The following CRTC3 variants were observed in gnomAD, a reference collection of about 807,000 sequenced individuals.
CRTC3 encodes the protein CREB regulated transcription coactivator 3.
A neutral mutation model predicts 74.5 loss-of-function variants in CRTC3; 26 were observed. The ratio of observed to expected loss-of-function variants is 0.35; its 90% CI spans 0.26 to 0.48. The LOEUF (loss-of-function observed/expected upper bound fraction) is 0.48, where lower values mean the gene tolerates loss of function less well. CRTC3 is among the 20% of genes least tolerant of loss of function. The pLI, the probability that CRTC3 is intolerant of heterozygous loss-of-function variation, is 0.99. For missense variants in CRTC3, 760 were observed against 787.3 expected (o/e 0.97, Z 0.41); for synonymous variants, 377 against 325.8 (o/e 1.16, Z -1.69).
Position 90,643,729 on chromosome 15 carries a change from G to C in CRTC3, c.*1589G>C, listed in dbSNP as rs765507267. On this transcript the variant is annotated 3_prime_UTR_variant, in exon 15 of 15. Transcript: ENST00000268184. Reference sequence around the variant, plus strand: ...AAGGGGGCAGAGCACTGCAGGGGGAGGGGGGGGTCTAGGCTGTGAGAGGAC... The same window carrying C: ...AAGGGGGCAGAGCACTGCAGGGGGACGGGGGGGTCTAGGCTGTGAGAGGAC... 5 of 227,218 alleles carry C rather than the reference G, an allele frequency of 2.2e-5. No homozygotes were observed. The South Asian group carries it at 7.4e-4, about 34-fold the overall frequency. 14.1% of individuals were successfully genotyped at this position (227,218 alleles called of 1,614,324 possible). A position where few individuals can be genotyped will look rare whatever the true frequency, so the allele number is the denominator to read the frequency against.
At chr15:90,589,123 C>G (rs190400609) in intron 2 of CRTC3, among the ~76,000 whole-genome samples, 105 of 152,076 alleles carry the variant, frequency 6.9e-4, no homozygotes, top group African/African-American at 2.5e-3. Flanking sequence ...GTGGCGCGAT[C>G]TCAGCTCACT....
chr15:90,634,625 A>T (rs944560169), intron 11 of CRTC3: 3 of 487,824 alleles, frequency 6.1e-6, no homozygotes, highest in South Asian at 2.5e-5. Flanking sequence ...GGGCCTGGTG[A>T]TCCTCAGTGC....
At position 90,628,601 on chromosome 15, in the gene CRTC3, CCT is replaced by C. The variant is rs919184307; in HGVS notation, c.968-632_968-631del. Among the ~76,000 whole-genome samples the C allele has an allele frequency of 3.9e-5, 6 of 152,188 alleles. 1 individual carries two copies. The highest frequency in any genetic ancestry group is 1.4e-4 in the African/African-American group (6 of 41,456). On this transcript the variant is annotated intron_variant, in intron 10 of 14. Coordinates refer to ENST00000268184, the MANE Select transcript of CRTC3 (RefSeq NM_022769.5). The stretch of plus-strand genomic sequence containing the variant: ...TTCCTTGCTCATGATCAAATTCACC[CCT>C]GTCCCCCAAATAAAGCACCAGCAAA...
chr15:90,567,742 A>C (rs972398994), intron 2 of CRTC3, among the ~76,000 whole-genome samples: 2 of 129,120 alleles, frequency 1.5e-5, no homozygotes, highest in African/African-American at 5.4e-5. Flanking sequence ...TTGACAGTGC[A>C]CCTAATCATC....
At chr15:90,548,366 T>C (rs1046422140) in intron 2 of CRTC3, among the ~76,000 whole-genome samples, 1 of 152,212 alleles carries the variant, frequency 6.6e-6, no homozygotes, top group Admixed American at 6.5e-5. Context: ...GAAACCCTTA[T>C]ACCAAGGCAG....
intron 3 of CRTC3, among the ~76,000 whole-genome samples, chr15:90,601,243 T>A (rs1596114302): frequency 6.6e-6 from 1 of 152,110 alleles, no homozygotes; most frequent in East Asian, 1.9e-4. Flanking sequence ...CAGAATATGC[T>A]CCAAGGCATG....
At chr15:90,539,733 A>T in intron 1 of CRTC3, 1 of 309,642 alleles carries the variant, frequency 3.2e-6, no homozygotes, top group Non-Finnish European at 6.0e-6. Flanking sequence ...TTTTTCTTTC[A>T]GAAATTCTTT....
chr15:90,545,400 A>ATT (rs35381855), intron 2 of CRTC3, among the ~76,000 whole-genome samples: 34,626 of 137,952 alleles, frequency 0.25, 4,769 homozygotes, highest in East Asian at 0.47. Flanking sequence ...TGTGGTTTTA[A>ATT]TTTTTTTTTT....
At position 90,602,027 on chromosome 15, in the gene CRTC3, A is replaced by G. The variant is rs114109078; in HGVS notation, c.352-297A>G. Among the ~76,000 whole-genome samples, 800 of 152,290 alleles carry G rather than the reference A, an allele frequency of 5.3e-3. 3 individuals are homozygous for G. The highest frequency in any genetic ancestry group is 0.018 in the African/African-American group (759 of 41,552). ...GTCCCTCACATGTGGCACAGAGGGA[A>G]TGGCAGTGTTACCAGGTTTGGAGCA... On this transcript the variant is annotated intron_variant, in intron 3 of 14. Coordinates refer to ENST00000268184, the MANE Select transcript of CRTC3 (RefSeq NM_022769.5).
At chr15:90,540,321 TG>T (rs1193639222) in intron 2 of CRTC3, among the ~76,000 whole-genome samples, 184 bp downstream of exon 2, 1 of 152,228 alleles carries the variant, frequency 6.6e-6, no homozygotes, top group African/African-American at 2.4e-5. Flanking sequence ...ATTTCACAAA[TG>T]GCTGAAGGCA....
chr15:90,589,888 A>G (rs139788631), intron 2 of CRTC3, among the ~76,000 whole-genome samples: 1,680 of 151,808 alleles, frequency 0.011, 38 homozygotes, highest in African/African-American at 0.039. Flanking sequence ...TCAGGAAACT[A>G]AGGCAGGAGA....
At chr15:90,544,597 ATATT>A (rs1346111146) in intron 2 of CRTC3, among the ~76,000 whole-genome samples, 1 of 152,236 alleles carries the variant, frequency 6.6e-6, no homozygotes, top group African/African-American at 2.4e-5. Flanking sequence ...TTATGAATAA[ATATT>A]CTATAAACAT....
intron 11 of CRTC3, among the ~76,000 whole-genome samples, chr15:90,632,041 A>C (rs1969057504): frequency 1.3e-5 from 2 of 149,960 alleles, no homozygotes; most frequent in Admixed American, 1.3e-4. Context: ...ACATAGGACT[A>C]CAGGTGTATA....
At chr15:90,615,682 C>CT (rs1446603585) in intron 7 of CRTC3, among the ~76,000 whole-genome samples, 1 of 152,154 alleles carries the variant, frequency 6.6e-6, no homozygotes, top group Non-Finnish European at 1.5e-5. Flanking sequence ...ACAATGAACT[C>CT]TAAGAAAACA....
At chr15:90,634,821 C>A in intron 11 of CRTC3, 1 of 1,511,542 alleles carries the variant, frequency 6.6e-7, no homozygotes, top group Non-Finnish European at 9.1e-7. Flanking sequence ...AGGCATTTTG[C>A]TTCCAGAAAA....
At chr15:90,631,184 T>C (rs576729309) in intron 11 of CRTC3, among the ~76,000 whole-genome samples, 2 of 152,326 alleles carry the variant, frequency 1.3e-5, no homozygotes, top group South Asian at 4.1e-4. Flanking sequence ...TTGGTCACTC[T>C]TTACCAATTA....
intron 1 of CRTC3, among the ~76,000 whole-genome samples, chr15:90,536,855 C>T (rs1966728352): frequency 6.6e-6 from 1 of 152,212 alleles, no homozygotes; most frequent in Non-Finnish European, 1.5e-5. Flanking sequence ...AGGGGGTGGC[C>T]TCTTCTCAGC....
chr15:90,576,974 T>C (rs1832053013), intron 2 of CRTC3, among the ~76,000 whole-genome samples: 1 of 152,088 alleles, frequency 6.6e-6, no homozygotes, highest in South Asian at 2.1e-4. Flanking sequence ...GTTAGCGACT[T>C]TTGTGTCTCC....
intron 2 of CRTC3, among the ~76,000 whole-genome samples, chr15:90,588,402 C>T (rs1231149416): frequency 2.0e-5 from 3 of 150,554 alleles, no homozygotes; most frequent in Non-Finnish European, 2.9e-5. Flanking sequence ...ACTCATATTA[C>T]TTGTCCGTGG....
Sources: allele counts gnomAD v4.1 joint callset (sites outside exome capture counted in the v4.1 genomes callset), GRCh38; gene constraint gnomAD v4.1.1; transcripts MANE v1.5; gene names NCBI Gene and HGNC (gene_info 2026-07-23, HGNC 2026-07-21).